Variants in ZNF804A observed in about 807,000 individuals in gnomAD.
ZNF804A encodes the protein zinc finger protein 804A.
In ZNF804A, 2 loss-of-function variants were observed where a neutral mutation model predicts 16.5. That is an observed-to-expected ratio of 0.12 (90% CI 0.05 to 0.38). The LOEUF (loss-of-function observed/expected upper bound fraction) is 0.38, where lower values mean the gene tolerates loss of function less well. Ranked by LOEUF, ZNF804A falls within the 10% of genes least tolerant of loss-of-function variation. ZNF804A has a pLI of 0.99. For missense variants in ZNF804A, 1,473 were observed against 1,390.7 expected (o/e 1.06, Z -0.94); for synonymous variants, 534 against 489.6 (o/e 1.09, Z -1.20).
intron 2 of ZNF804A, among the ~76,000 whole-genome samples, chr2:184,924,198 G>C (rs13385508): frequency 6.6e-6 from 1 of 151,768 alleles, no homozygotes. Context: ...GTCATCAGGT[G>C]CTGGGATTTT....
At chr2:184,713,834 T>G (rs550782162) in intron 1 of ZNF804A, among the ~76,000 whole-genome samples, 3 of 152,122 alleles carry the variant, frequency 2.0e-5, no homozygotes, top group Non-Finnish European at 4.4e-5. Flanking sequence ...AAATTTGTCC[T>G]TAATGCAAAA....
At chr2:184,644,750 A>G (rs1215029414) in intron 1 of ZNF804A, among the ~76,000 whole-genome samples, 1 of 152,026 alleles carries the variant, frequency 6.6e-6, no homozygotes, top group Non-Finnish European at 1.5e-5. Flanking sequence ...AAGAGGTTTA[A>G]AACTCTGTTT....
At chr2:184,870,973 G>A (rs1236776535) in intron 2 of ZNF804A, among the ~76,000 whole-genome samples, 1 of 151,510 alleles carries the variant, frequency 6.6e-6, no homozygotes, top group East Asian at 1.9e-4. Flanking sequence ...TGTTGATATA[G>A]TTTGGATTTA....
chr2:184,675,474 T>C (rs1692408110), intron 1 of ZNF804A, among the ~76,000 whole-genome samples: 1 of 151,796 alleles, frequency 6.6e-6, no homozygotes, highest in Non-Finnish European at 1.5e-5. Context: ...TGTTTGATAA[T>C]TCTTTTTAAA....
Position 184,936,847 on chromosome 2 carries a change from G to T in ZNF804A, c.1451G>T (p.Cys484Phe). The change falls in exon 4 of 4, where the codon TGT becomes TTT. Residue 484 changes from cysteine to phenylalanine, a missense_variant. Transcript: ENST00000302277. The part of the protein sequence containing the change: ...DKNKPDLKDL[C>F]SQQKQEDICM... The stretch of plus-strand genomic sequence containing the variant: ...AATAAGCCAGACTTAAAAGATCTTT[G>T]TTCTCAGCAGAAGCAGGAAGACATT... 2 of 1,612,928 alleles carry T rather than the reference G, an allele frequency of 1.2e-6. No individual in the cohort carries two copies. The highest frequency in any genetic ancestry group is 8.5e-7 in the Non-Finnish European group (1 of 1,179,660).
intron 2 of ZNF804A, among the ~76,000 whole-genome samples, chr2:184,911,185 T>C (rs1040511937): frequency 6.6e-6 from 1 of 152,078 alleles, no homozygotes; most frequent in African/African-American, 2.4e-5. Flanking sequence ...TTCTTCTGCA[T>C]ATAGCTAGCC....
rs762401201 is a variant in ZNF804A, at chr2:184,939,045, A to T, written c.*19A>T. 6.2e-7 allele frequency: 1 copy of T among 1,606,572 alleles called. No individual in the cohort carries two copies. On this transcript the variant is annotated 3_prime_UTR_variant, in exon 4 of 4. Coordinates refer to ENST00000302277, the MANE Select transcript of ZNF804A (RefSeq NM_194250.2). ...CTTCTAGTCATCACCATAATGGGAA[A>T]AAAATACTCTTGTGAAAACTATTGC...
chr2:184,806,529 A>T (rs930319566), intron 1 of ZNF804A, among the ~76,000 whole-genome samples: 6 of 151,918 alleles, frequency 3.9e-5, no homozygotes, highest in African/African-American at 1.4e-4. Flanking sequence ...ATGAGCAAGA[A>T]ATATTTTTTC....
At chr2:184,719,227 G>T (rs1435630159) in intron 1 of ZNF804A, among the ~76,000 whole-genome samples, 1 of 152,094 alleles carries the variant, frequency 6.6e-6, no homozygotes, top group African/African-American at 2.4e-5. Context: ...TGGGATGCAG[G>T]GCACCACATC....
intron 1 of ZNF804A, among the ~76,000 whole-genome samples, chr2:184,683,053 A>T (rs898783260): frequency 6.6e-6 from 1 of 151,962 alleles, no homozygotes; most frequent in Non-Finnish European, 1.5e-5. Context: ...AAAATAAAAT[A>T]AAAACATCAA....
At chr2:184,856,310 A>T (rs1695685764) in intron 1 of ZNF804A, among the ~76,000 whole-genome samples, 1 of 151,998 alleles carries the variant, frequency 6.6e-6, no homozygotes, top group South Asian at 2.1e-4. Flanking sequence ...TAGAGGAACC[A>T]CTTTCTCTTC....
At chr2:184,666,160 T>A (rs1298998183) in intron 1 of ZNF804A, among the ~76,000 whole-genome samples, 1 of 152,172 alleles carries the variant, frequency 6.6e-6, no homozygotes, top group African/African-American at 2.4e-5. Flanking sequence ...TTCAAACATT[T>A]CCTTTACCCA....
chr2:184,727,705 C>T (rs1234704424), intron 1 of ZNF804A, among the ~76,000 whole-genome samples: 1 of 151,542 alleles, frequency 6.6e-6, no homozygotes, highest in Admixed American at 6.6e-5. Context: ...GTATTGCATG[C>T]AATGCTTAAT....
chr2:184,926,701 T>C (rs767384555), intron 2 of ZNF804A, among the ~76,000 whole-genome samples: 5 of 152,144 alleles, frequency 3.3e-5, no homozygotes, highest in Non-Finnish European at 5.9e-5. Context: ...TTTTTTAACC[T>C]TTTGCTTTTG....
intron 1 of ZNF804A, among the ~76,000 whole-genome samples, chr2:184,704,576 T>C (rs1324167624): frequency 6.6e-6 from 1 of 152,074 alleles, no homozygotes; most frequent in East Asian, 1.9e-4. Context: ...AGTGAAAAAA[T>C]AAATTAGTCA....
intron 2 of ZNF804A, among the ~76,000 whole-genome samples, chr2:184,879,785 A>G (rs953011750): frequency 2.0e-5 from 3 of 152,042 alleles, no homozygotes; most frequent in African/African-American, 7.2e-5. Context: ...GACATTGCAA[A>G]GAATACAGAA....
chr2:184,680,662 C>A (rs1330391996), intron 1 of ZNF804A, among the ~76,000 whole-genome samples: 1 of 152,272 alleles, frequency 6.6e-6, no homozygotes, highest in African/African-American at 2.4e-5. Context: ...CTTTGTCTTG[C>A]TCAACCTTTA....
chr2:184,818,407 A>G (rs1169252706), intron 1 of ZNF804A, among the ~76,000 whole-genome samples: 4 of 152,012 alleles, frequency 2.6e-5, no homozygotes, highest in African/African-American at 9.7e-5. Flanking sequence ...TCCTGAAGGA[A>G]GCACTAAATA....
At chr2:184,611,074 G>C (rs1050408267) in intron 1 of ZNF804A, among the ~76,000 whole-genome samples, 2 of 152,054 alleles carry the variant, frequency 1.3e-5, no homozygotes, top group Non-Finnish European at 2.9e-5. Flanking sequence ...CAAGATTAAG[G>C]TGCCAATTTG....
Sources: gnomAD v4.1 joint callset for allele counts (sites outside exome capture counted in the v4.1 genomes callset) on GRCh38, gnomAD v4.1.1 for gene constraint, MANE v1.5 for transcripts, NCBI Gene and HGNC (gene_info 2026-07-23, HGNC 2026-07-21) for gene names.